The following MAPKAPK5 variants were observed in gnomAD, a reference collection of about 807,000 sequenced individuals.
MAPKAPK5 encodes the protein MAPK activated protein kinase 5, also known as MAP kinase-activated protein kinase 5.
Under a neutral mutation model 65.1 loss-of-function variants are expected in MAPKAPK5, and 30 were observed. The ratio of observed to expected loss-of-function variants is 0.46; its 90% confidence interval spans 0.34 to 0.63. The LOEUF is 0.63. MAPKAPK5 is among the 20% of genes least tolerant of loss of function. MAPKAPK5 has a pLI of 0.01. For missense variants in MAPKAPK5, 433 were observed against 581.4 expected (o/e 0.74, Z 2.63); for synonymous variants, 179 against 204.6 (o/e 0.87, Z 1.07).
At chr12:111,843,734 C>G (rs944941671) in intron 1 of MAPKAPK5, among the ~76,000 whole-genome samples, 1 of 152,188 alleles carries the variant, frequency 6.6e-6, no homozygotes, top group Non-Finnish European at 1.5e-5. Flanking sequence ...TCAAAATCAT[C>G]AAGTCATTCC....
intron 13 of MAPKAPK5, among the ~76,000 whole-genome samples, chr12:111,891,569 G>A (rs1339991911): frequency 4.7e-5 from 7 of 149,534 alleles, no homozygotes; most frequent in East Asian, 4.0e-4. Flanking sequence ...CAAGGCGGGC[G>A]GATCATGAGG....
chr12:111,842,621 C>A lies in MAPKAPK5; in HGVS notation c.-113C>A. 1.5e-6 allele frequency: 1 copy of A among 673,002 alleles called. No individual in the cohort carries two copies. 41.7% of individuals were successfully genotyped at this position (673,002 alleles called of 1,614,324 possible). On this transcript the variant is annotated 5_prime_UTR_variant, in exon 1 of 14. Coordinates refer to ENST00000550735, the MANE Select transcript of MAPKAPK5 (RefSeq NM_003668.4). ...CCGGTCCCGAGGGGCGGCTGCTGCC[C>A]GTCGCCACGAGGCCCAGGGGCCCGA...
chr12:111,888,252 C>T (rs2070479756), intron 10 of MAPKAPK5: 2 of 425,314 alleles, frequency 4.7e-6, no homozygotes, highest in Non-Finnish European at 4.2e-6. Context: ...CATTTCTGTC[C>T]CCCCACCAGG....
At chr12:111,863,104 A>G (rs1014268382) in intron 1 of MAPKAPK5, among the ~76,000 whole-genome samples, 1 of 152,162 alleles carries the variant, frequency 6.6e-6, no homozygotes, top group Non-Finnish European at 1.5e-5. Flanking sequence ...GTTACCCTTA[A>G]TAGATGGAAA....
chr12:111,849,976 G>GGAAGGCCAAA (rs1382485893), intron 1 of MAPKAPK5, among the ~76,000 whole-genome samples: 1 of 151,768 alleles, frequency 6.6e-6, no homozygotes, highest in East Asian at 1.9e-4. Context: ...GTCACACTTT[G>GGAAGGCCAAA]GCCTTCCAAA....
intron 10 of MAPKAPK5, 26 bp downstream of exon 10, chr12:111,886,062 G>T: frequency 6.2e-7 from 1 of 1,613,834 alleles, no homozygotes; most frequent in East Asian, 2.2e-5. Context: ...TACTTTGTTG[G>T]CTGAAAAGAC....
At chr12:111,887,650 G>A (rs1020476773) in intron 10 of MAPKAPK5, 1 of 148,706 alleles carries the variant, frequency 6.7e-6, no homozygotes, top group East Asian at 2.0e-4. Context: ...ACTCCAGCCT[G>A]GGAGACAGAG....
intron 7 of MAPKAPK5, among the ~76,000 whole-genome samples, chr12:111,875,687 A>G (rs1222227896): frequency 6.6e-6 from 1 of 152,054 alleles, no homozygotes. Context: ...CCTTGTTTGT[A>G]TGGCTCCTAG....
rs902569283 is a variant in MAPKAPK5, at chr12:111,890,161, A to C, written c.1321+17A>C. 1 of 1,519,000 alleles carries C rather than the reference A, an allele frequency of 6.6e-7. No individual in the cohort carries two copies. The highest frequency in any genetic ancestry group is 9.0e-7 in the Non-Finnish European group (1 of 1,109,420). 94.1% of individuals were successfully genotyped at this position (1,519,000 alleles called of 1,614,324 possible). A position where few individuals can be genotyped will look rare whatever the true frequency, so the allele number is the denominator to read the frequency against. On this transcript the variant is annotated intron_variant, in intron 13 of 13. Transcript: ENST00000550735. ...GCTGGAATGGTAGGAGCCTTCATCA[A>C]CTCCCTTCCCCAGGAATGCAGACAA...
intron 12 of MAPKAPK5, chr12:111,889,766 A>C (rs2070542644): frequency 8.9e-6 from 3 of 335,954 alleles, no homozygotes; most frequent in Non-Finnish European, 5.7e-6. Flanking sequence ...TTTGTTCAGC[A>C]ATAGAGTCTG....
chr12:111,850,379 G>A (rs1835168129), intron 1 of MAPKAPK5, among the ~76,000 whole-genome samples: 1 of 152,166 alleles, frequency 6.6e-6, no homozygotes. Context: ...GGGTGCGAGA[G>A]TGCTATAAGA....
rs1324007272 is a variant in MAPKAPK5 at position 111,883,779 on chromosome 12, G to A, written c.848+11G>A. The A allele has an allele frequency of 3.7e-6, 6 of 1,610,488 alleles. No individual in the cohort carries two copies. The highest frequency in any genetic ancestry group is 1.7e-4 in the Middle Eastern group (1 of 6,032). The stretch of plus-strand genomic sequence containing the variant: ...AGATGTTGTGAGGAAGTGAGTTCAC[G>A]GGCTGCTGGGCATGGAGGCCAAGGA... On this transcript the variant is annotated intron_variant, in intron 9 of 13. Transcript: ENST00000550735. The surrounding 1 kb of genome is among the most constrained non-coding windows in gnomAD (Gnocchi z 4.8).
intron 1 of MAPKAPK5, among the ~76,000 whole-genome samples, chr12:111,854,846 A>C (rs1465988773): frequency 1.3e-5 from 2 of 152,212 alleles, no homozygotes; most frequent in Admixed American, 6.5e-5. Flanking sequence ...TCAAAATGTC[A>C]GTGGTGCTGA....
At chr12:111,859,956 G>C (rs2069379052) in intron 1 of MAPKAPK5, among the ~76,000 whole-genome samples, 1 of 152,224 alleles carries the variant, frequency 6.6e-6, no homozygotes, top group African/African-American at 2.4e-5. Context: ...GCGAATCCCA[G>C]CTACTTGGGA....
chr12:111,870,443 C>T, intron 6 of MAPKAPK5, 83 bp downstream of exon 6: 1 of 1,141,734 alleles, frequency 8.8e-7, no homozygotes, highest in Non-Finnish European at 1.3e-6. Context: ...GCTCTGAATT[C>T]ATGGTGAAAA....
At chr12:111,843,623 A>G (rs906664091) in intron 1 of MAPKAPK5, among the ~76,000 whole-genome samples, 5 of 152,202 alleles carry the variant, frequency 3.3e-5, no homozygotes, top group Non-Finnish European at 5.9e-5. Context: ...AAGGACAGGC[A>G]TCTATTGGCA....
intron 7 of MAPKAPK5, among the ~76,000 whole-genome samples, chr12:111,878,408 ATTAT>A (rs200069361): frequency 1.3e-4 from 20 of 150,154 alleles, no homozygotes; most frequent in African/African-American, 2.7e-4. Context: ...CTATTTATTT[ATTAT>A]TTATTTATTT....
At chr12:111,847,495 G>T (rs1208954288) in intron 1 of MAPKAPK5, among the ~76,000 whole-genome samples, 1 of 151,982 alleles carries the variant, frequency 6.6e-6, no homozygotes, top group African/African-American at 2.4e-5. Context: ...CTGGAGAGTG[G>T]GCATTTTGGG....
At chr12:111,872,964 A>G (rs2069831815) in intron 7 of MAPKAPK5, among the ~76,000 whole-genome samples, 1 of 152,138 alleles carries the variant, frequency 6.6e-6, no homozygotes, top group Non-Finnish European at 1.5e-5. Flanking sequence ...TTCCATATAT[A>G]TATCATGAAT....
Sources: allele counts gnomAD v4.1 joint callset (sites outside exome capture counted in the v4.1 genomes callset), GRCh38; gene constraint gnomAD v4.1.1; non-coding constraint Gnocchi (gnomAD v3.1); transcripts MANE v1.5; gene names NCBI Gene and HGNC (gene_info 2026-07-23, HGNC 2026-07-21).